Variants in SAMD5 observed in about 807,000 individuals in gnomAD.
SAMD5 encodes sterile alpha motif domain containing 5, also known as sterile alpha motif domain-containing protein 5.
SAMD5 carries 13 observed loss-of-function variants against 11.3 expected under a neutral mutation model. The observed-to-expected ratio is 1.15, with a 90% CI of 0.75 to 1.83. The LOEUF (loss-of-function observed/expected upper bound fraction) is 1.83. Ranked by LOEUF, SAMD5 falls within the 40% of genes most tolerant of loss-of-function variation. The pLI is 0.00. For missense variants in SAMD5, 255 were observed against 239.1 expected, an observed-to-expected ratio of 1.07 and a Z score of -0.44; for synonymous variants, 129 against 111.3, an observed-to-expected ratio of 1.16 and a Z score of -1.00.
the SAMD5 span, among the ~76,000 whole-genome samples, chr6:147,758,332 T>G: frequency 3.3e-5 from 5 of 152,198 alleles, no homozygotes; most frequent in Non-Finnish European, 7.3e-5. Context: ...GCTATTATGG[T>G]CACCTTAATA....
chr6:147,870,961 C>T, the SAMD5 span, among the ~76,000 whole-genome samples: 16 of 152,182 alleles, frequency 1.1e-4, no homozygotes, highest in South Asian at 1.9e-3. Flanking sequence ...ACAGGGACAA[C>T]GTATGGTTTG....
At chr6:147,800,683 TG>T in the SAMD5 span, among the ~76,000 whole-genome samples, 1 of 152,214 alleles carries the variant, frequency 6.6e-6, no homozygotes, top group Non-Finnish European at 1.5e-5. Flanking sequence ...GAAATAACAT[TG>T]TTAGTGGTTT....
At chr6:147,539,466 T>C (rs1161664766) in intron 1 of SAMD5, among the ~76,000 whole-genome samples, 1 of 152,174 alleles carries the variant, frequency 6.6e-6, no homozygotes, top group Non-Finnish European at 1.5e-5. Context: ...TGCGAAGTAA[T>C]TTCTGATACC....
chr6:147,697,582 A>C (rs1791194265), intron 1 of SAMD5, among the ~76,000 whole-genome samples: 1 of 152,222 alleles, frequency 6.6e-6, no homozygotes. Context: ...TGTTGTACTA[A>C]ATCATGTATG....
Position 147,562,137 on chromosome 6 carries a change from G to C in SAMD5, c.460-2257G>C, listed in dbSNP as rs540155506. On this transcript the variant is annotated intron_variant, in intron 1 of 1. Transcript: ENST00000367474. The stretch of plus-strand genomic sequence containing the variant: ...GTGAAATGACTTCATAGTCCACACC[G>C]TTAGATGGGTTTATAGGCAGGGTGT... Among the ~76,000 whole-genome samples the C allele has an allele frequency of 6.6e-5, 10 of 152,298 alleles. No homozygotes were observed. The South Asian group carries it at 2.1e-3, about 32-fold the overall frequency.
At chr6:147,541,755 G>A (rs1257406609) in intron 1 of SAMD5, among the ~76,000 whole-genome samples, 1 of 152,158 alleles carries the variant, frequency 6.6e-6, no homozygotes, top group Non-Finnish European at 1.5e-5. Context: ...AACTCCAAGA[G>A]TATCCCTTCC....
chr6:147,900,138 C>A, the SAMD5 span, among the ~76,000 whole-genome samples: 3 of 152,164 alleles, frequency 2.0e-5, no homozygotes, highest in African/African-American at 7.2e-5. Flanking sequence ...TGGTTTTGAA[C>A]CAGCACAGTT....
chr6:147,882,838 G>C, the SAMD5 span, among the ~76,000 whole-genome samples: 2 of 152,286 alleles, frequency 1.3e-5, no homozygotes, highest in South Asian at 4.2e-4. Context: ...AAATTTAGAA[G>C]ACAAGTAATT....
chr6:147,895,610 C>T, the SAMD5 span, among the ~76,000 whole-genome samples: 3 of 152,138 alleles, frequency 2.0e-5, no homozygotes, highest in Admixed American at 2.0e-4. Context: ...GAAAGCCGAG[C>T]AAATGAGAGT....
At chr6:147,689,244 G>T (rs1265692882) in intron 1 of SAMD5, among the ~76,000 whole-genome samples, 2 of 152,164 alleles carry the variant, frequency 1.3e-5, no homozygotes, top group East Asian at 3.9e-4. Context: ...GGTATTCAAG[G>T]CCAGGGGTTT....
chr6:147,710,899 C>T (rs746101041), intron 1 of SAMD5, among the ~76,000 whole-genome samples: 4 of 150,264 alleles, frequency 2.7e-5, no homozygotes, highest in Admixed American at 6.6e-5. Context: ...GAAACAGTGT[C>T]TTGTGCCTGT....
the SAMD5 span, among the ~76,000 whole-genome samples, chr6:147,877,881 CG>C: frequency 8.6e-3 from 702 of 81,414 alleles, 2 homozygotes; most frequent in African/African-American, 0.015. Flanking sequence ...CACACACACA[CG>C]ATAGATAGAT....
At chr6:147,833,734 T>C in the SAMD5 span, among the ~76,000 whole-genome samples, 1 of 152,244 alleles carries the variant, frequency 6.6e-6, no homozygotes, top group African/African-American at 2.4e-5. Context: ...TTTTCTATTT[T>C]CTTCAATTTG....
the SAMD5 span, among the ~76,000 whole-genome samples, chr6:147,910,237 C>A: frequency 1.3e-4 from 20 of 151,968 alleles, no homozygotes; most frequent in African/African-American, 1.9e-4. Flanking sequence ...CCCTGGGGAC[C>A]CTCAGTTCTC....
At chr6:147,917,580 T>G in the SAMD5 span, among the ~76,000 whole-genome samples, 1 of 152,088 alleles carries the variant, frequency 6.6e-6, no homozygotes, top group South Asian at 2.1e-4. Flanking sequence ...CATTTGTCAA[T>G]TTTGTCTTTT....
chr6:147,877,911 C>CTTGA, the SAMD5 span, among the ~76,000 whole-genome samples: 1 of 103,944 alleles, frequency 9.6e-6, no homozygotes, highest in Non-Finnish European at 2.0e-5. Context: ...AGATAGATAG[C>CTTGA]TAGCTAGCTA....
the SAMD5 span, among the ~76,000 whole-genome samples, chr6:147,763,990 CAG>C: frequency 6.6e-6 from 1 of 152,162 alleles, no homozygotes; most frequent in Non-Finnish European, 1.5e-5. Context: ...CACGTGCACG[CAG>C]AGACAGAGTA....
At chr6:147,937,838 TATCTC>T in the SAMD5 span, among the ~76,000 whole-genome samples, 4 of 152,188 alleles carry the variant, frequency 2.6e-5, no homozygotes, top group African/African-American at 4.8e-5. Context: ...GCCTAAGACT[TATCTC>T]AGGTGCTTGC....
At chr6:147,910,731 A>G in the SAMD5 span, among the ~76,000 whole-genome samples, 13 of 152,288 alleles carry the variant, frequency 8.5e-5, no homozygotes, top group East Asian at 1.2e-3. Context: ...TCTATATGTT[A>G]TTTTCAAAAA....
Sources: gnomAD v4.1 joint callset for allele counts (sites outside exome capture counted in the v4.1 genomes callset) on GRCh38, gnomAD v4.1.1 for gene constraint, MANE v1.5 for transcripts, NCBI Gene and HGNC (gene_info 2026-07-23, HGNC 2026-07-21) for gene names.